The following MEMO1 variants were observed in gnomAD, a reference collection of about 807,000 sequenced individuals.
The protein encoded by MEMO1 is mediator of cell motility 1.
In MEMO1, 6 loss-of-function variants were observed where a neutral mutation model predicts 45.2. The observed-to-expected ratio is 0.13, with a 90% CI of 0.07 to 0.26. The LOEUF is 0.26. Among genes scored for constraint, MEMO1 ranks in the 10% least tolerant of loss-of-function variants. The pLI is 1.00. For synonymous variants in MEMO1, 78 were observed against 124.3 expected, an observed-to-expected ratio of 0.63 and a Z score of 2.48; for missense variants, 184 against 370.5, an observed-to-expected ratio of 0.50 and a Z score of 4.13.
chr2:31,928,916 T>C (rs1004045362), intron 4 of MEMO1, among the ~76,000 whole-genome samples: 5 of 152,192 alleles, frequency 3.3e-5, no homozygotes, highest in Admixed American at 6.5e-5. Context: ...CATTTAACTT[T>C]TTCCATTTTG....
chr2:31,931,596 A>G (rs1664181760), intron 4 of MEMO1, among the ~76,000 whole-genome samples: 2 of 152,144 alleles, frequency 1.3e-5, no homozygotes, highest in Admixed American at 1.3e-4. Flanking sequence ...TGAATTATTA[A>G]GAGTTAATAT....
At position 31,901,982 on chromosome 2, in the gene MEMO1, T is replaced by C. The variant is rs556265031; in HGVS notation, c.438-9848A>G. On this transcript the variant is annotated intron_variant, in intron 6 of 9. Coordinates refer to ENST00000404530, the MANE Select transcript of MEMO1 (RefSeq NM_001301833.4). ...TCTGTAGATTTACTAAAAAAAAACA[T>C]TGAGTTGAGACCTGGTGCTGTAGCA... is the stretch of plus-strand genomic sequence containing the variant. Among the ~76,000 whole-genome samples the C allele has an allele frequency of 2.3e-3, 348 of 152,002 alleles. 1 individual carries two copies. Among genetic ancestry groups the C allele is most frequent in the South Asian group, 5.6e-3 (27 of 4,802 alleles).
chr2:31,959,081 G>A (rs1282825129), intron 2 of MEMO1, among the ~76,000 whole-genome samples: 32 of 152,200 alleles, frequency 2.1e-4, no homozygotes, highest in Non-Finnish European at 2.6e-4. Context: ...CAAGATCAAG[G>A]AAAGCCATGA....
At chr2:31,881,148 T>A (rs1675301146) in intron 8 of MEMO1, among the ~76,000 whole-genome samples, 1 of 151,992 alleles carries the variant, frequency 6.6e-6, no homozygotes, top group African/African-American at 2.4e-5. Flanking sequence ...AAGAATATAA[T>A]TATATTTAAA....
intron 2 of MEMO1, among the ~76,000 whole-genome samples, chr2:31,981,083 T>G (rs557889714): frequency 6.6e-6 from 1 of 152,292 alleles, no homozygotes; most frequent in East Asian, 1.9e-4. Flanking sequence ...AATGTCAAAA[T>G]AGTAGAGAAG....
intron 2 of MEMO1, among the ~76,000 whole-genome samples, chr2:31,959,176 A>C (rs778593882): frequency 1.2e-4 from 18 of 152,260 alleles, no homozygotes; most frequent in Non-Finnish European, 2.4e-4. Context: ...TATTCCCATT[A>C]GTAAGAGTGT....
intron 6 of MEMO1, among the ~76,000 whole-genome samples, chr2:31,907,921 A>G (rs1680006277): frequency 6.6e-6 from 1 of 152,238 alleles, no homozygotes; most frequent in Admixed American, 6.5e-5. Context: ...TCCCACATAT[A>G]AAATGCATTA....
intron 2 of MEMO1, among the ~76,000 whole-genome samples, chr2:31,950,931 T>G (rs987585487): frequency 3.3e-5 from 5 of 152,240 alleles, no homozygotes; most frequent in African/African-American, 1.2e-4. Context: ...TGTTTTTCCA[T>G]AGTATCGTCC....
intron 8 of MEMO1, among the ~76,000 whole-genome samples, chr2:31,872,830 G>T (rs190839145): frequency 6.6e-6 from 1 of 151,986 alleles, no homozygotes; most frequent in Non-Finnish European, 1.5e-5. Flanking sequence ...AAGGAAAGAT[G>T]GGAAAACTAA....
chr2:31,883,920 T>G lies in MEMO1; in HGVS notation c.581-458A>C, dbSNP rs1055070088. Among the ~76,000 whole-genome samples the G allele has an allele frequency of 8.0e-4, 119 of 149,576 alleles. 1 individual carries two copies. The highest frequency in any genetic ancestry group is 2.8e-3 in the African/African-American group (114 of 41,036). On this transcript the variant is annotated intron_variant, in intron 7 of 9. Coordinates refer to ENST00000404530, the MANE Select transcript of MEMO1 (RefSeq NM_001301833.4). ...TTACGGGGGAAAAAAAAAAAAACCATGAGGTCGCAAATACTGTGACTTGTG... is the reference window on the plus strand; with the variant it reads ...TTACGGGGGAAAAAAAAAAAAACCAGGAGGTCGCAAATACTGTGACTTGTG...
At chr2:31,950,300 G>C (rs919652960) in intron 2 of MEMO1, among the ~76,000 whole-genome samples, 2 of 151,318 alleles carry the variant, frequency 1.3e-5, no homozygotes, top group Admixed American at 1.3e-4. Flanking sequence ...AGAATCTCTT[G>C]AACCTGGAAG....
intron 2 of MEMO1, among the ~76,000 whole-genome samples, chr2:31,980,327 G>A (rs567733211): frequency 1.3e-5 from 2 of 152,262 alleles, no homozygotes; most frequent in African/African-American, 4.8e-5. Flanking sequence ...CAGCTACTTG[G>A]AAGGCCAAGA....
intron 4 of MEMO1, among the ~76,000 whole-genome samples, chr2:31,924,214 T>G (rs1682748432): frequency 6.6e-6 from 1 of 152,098 alleles, no homozygotes. Flanking sequence ...TGGGTCTCCT[T>G]GTTAGCTAAA....
At chr2:31,882,823 A>T (rs942138715) in intron 8 of MEMO1, among the ~76,000 whole-genome samples, 4 of 152,180 alleles carry the variant, frequency 2.6e-5, no homozygotes, top group African/African-American at 9.6e-5. Flanking sequence ...ATTTACTTCA[A>T]GTTTACATAT....
At chr2:31,949,232 C>T (rs1184093000) in intron 2 of MEMO1, among the ~76,000 whole-genome samples, 1 of 152,058 alleles carries the variant, frequency 6.6e-6, no homozygotes, top group Non-Finnish European at 1.5e-5. Context: ...AATTGAGCTA[C>T]CATAGGATCC....
At chr2:31,931,196 A>T (rs1206776700) in intron 4 of MEMO1, among the ~76,000 whole-genome samples, 2 of 152,170 alleles carry the variant, frequency 1.3e-5, no homozygotes, top group Non-Finnish European at 2.9e-5. Flanking sequence ...GCTACATAAA[A>T]ATTTGAAAGA....
chr2:31,964,067 T>A (rs1193306514), intron 2 of MEMO1, among the ~76,000 whole-genome samples: 1 of 152,182 alleles, frequency 6.6e-6, no homozygotes, highest in Non-Finnish European at 1.5e-5. Context: ...AAAATTCAAA[T>A]TATATATGGC....
At chr2:31,956,154 A>C (rs186985985) in intron 2 of MEMO1, among the ~76,000 whole-genome samples, 1 of 152,294 alleles carries the variant, frequency 6.6e-6, no homozygotes, top group East Asian at 1.9e-4. Context: ...CAGCTAGCAT[A>C]TTTCTTTTTT....
At chr2:31,937,948 T>C (rs1665115537) in intron 3 of MEMO1, among the ~76,000 whole-genome samples, 1 of 152,208 alleles carries the variant, frequency 6.6e-6, no homozygotes, top group Non-Finnish European at 1.5e-5. Context: ...TATGAAGATA[T>C]CTGGAAGTCA....
Sources: allele counts gnomAD v4.1 joint callset (sites outside exome capture counted in the v4.1 genomes callset), GRCh38; gene constraint gnomAD v4.1.1; transcripts MANE v1.5; gene names NCBI Gene and HGNC (gene_info 2026-07-23, HGNC 2026-07-21).